DPCD: variants seen among roughly 807,000 people sequenced by gnomAD.
The protein encoded by DPCD is protein DPCD.
DPCD carries 20 observed loss-of-function variants against 26.4 expected under a neutral mutation model. The observed-to-expected ratio is 0.76, with a 90% CI of 0.53 to 1.10. DPCD has a LOEUF of 1.10. Among genes scored for constraint, DPCD ranks in the 50% least tolerant of loss-of-function variants. The pLI is 0.00. For synonymous variants in DPCD, 97 were observed against 94.2 expected (o/e 1.03, Z -0.17); for missense variants, 202 against 253.9 (o/e 0.80, Z 1.39).
Position 101,588,326 on chromosome 10 carries a change from G to C in DPCD, c.-11G>C. ...TGGCAGCGGCTGGGCGTGCTGCTTA[G>C]CAGGGGAAAGATGGCGGTGACGGGC... On this transcript the variant is annotated 5_prime_UTR_variant, in exon 1 of 6. Coordinates refer to ENST00000370151, the MANE Select transcript of DPCD (RefSeq NM_015448.3). The C allele has an allele frequency of 7.5e-6, 12 of 1,600,500 alleles. No individual in the cohort carries two copies. The highest frequency in any genetic ancestry group is 1.0e-5 in the Non-Finnish European group (12 of 1,172,634).
At chr10:101,601,941 G>C (rs1410619110) in intron 4 of DPCD, among the ~76,000 whole-genome samples, 2 of 152,196 alleles carry the variant, frequency 1.3e-5, no homozygotes, top group Non-Finnish European at 2.9e-5. Flanking sequence ...CCCTAGAGGG[G>C]AGGCAAACTG....
At chr10:101,601,387 G>C in intron 4 of DPCD, 51 bp downstream of exon 4, 1 of 1,605,930 alleles carries the variant, frequency 6.2e-7, no homozygotes, top group African/African-American at 1.3e-5. Context: ...CGGGGTGTAG[G>C]GTGGGGTTTG....
rs1335900161 is a variant in DPCD, at chr10:101,603,625, T to G, written c.404+2289T>G. Among the ~76,000 whole-genome samples the G allele has an allele frequency of 1.3e-5, 2 of 151,878 alleles. No homozygotes were observed. Among genetic ancestry groups the G allele is most frequent in the Non-Finnish European group, 2.9e-5 (2 of 67,968 alleles). On this transcript the variant is annotated intron_variant, in intron 4 of 5. Transcript: ENST00000370151. The surrounding 1 kb of genome is among the most constrained non-coding windows in gnomAD (Gnocchi z 4.6). The stretch of plus-strand genomic sequence containing the variant: ...TACAAAAATTAGCCAGGCGTGGTGG[T>G]GCATGCCTGTAGTCCCAGCTACTCG...
chr10:101,590,040 G>A (rs980325529), intron 1 of DPCD, among the ~76,000 whole-genome samples: 10 of 145,552 alleles, frequency 6.9e-5, no homozygotes, highest in Non-Finnish European at 1.0e-4. Context: ...GCGACAGAGC[G>A]AGACCCTGTC....
intron 2 of DPCD, among the ~76,000 whole-genome samples, chr10:101,595,165 T>G (rs1334138382): frequency 1.3e-5 from 2 of 152,226 alleles, no homozygotes; most frequent in African/African-American, 4.8e-5. Context: ...AGGCAGAGCT[T>G]CTGAGCTTGC....
At position 101,594,700 on chromosome 10, in the gene DPCD, T is replaced by C; in HGVS notation, c.107T>C (p.Met36Thr). The change falls in exon 2 of 6, where the codon ATG becomes ACG. Residue 36 changes from methionine to threonine, a missense_variant. This residue lies in a region of DPCD where 37 missense variants were observed against 76.0 expected (regional missense o/e 0.49). Coordinates refer to ENST00000370151, the MANE Select transcript of DPCD (RefSeq NM_015448.3). The stretch of plus-strand genomic sequence containing the variant: ...TATTTATTCCCAGACGGCAAGGAAA[T>C]GGCTGAAGAATATGACGAGAAGACG... ...VHYLFPDGKE[M>T]AEEYDEKTSE... The C allele has an allele frequency of 6.2e-7, 1 of 1,614,076 alleles. No homozygotes were observed. The highest frequency in any genetic ancestry group is 8.5e-7 in the Non-Finnish European group (1 of 1,180,000).
chr10:101,607,225 T>A (rs1488920538), intron 4 of DPCD, among the ~76,000 whole-genome samples: 1 of 152,188 alleles, frequency 6.6e-6, no homozygotes, highest in East Asian at 1.9e-4. Context: ...TCATCTAATC[T>A]CTGCTGTTTA....
chr10:101,594,594 T>A, intron 1 of DPCD, 64 bp from the exon 2 acceptor site: 2 of 1,555,036 alleles, frequency 1.3e-6, no homozygotes, highest in South Asian at 2.2e-5. Context: ...GGTAGGCCCC[T>A]TGATCTGCAA....
At chr10:101,608,656 T>C (rs183553668) in intron 4 of DPCD, among the ~76,000 whole-genome samples, 179 bp from the exon 5 acceptor site, 118 of 152,334 alleles carry the variant, frequency 7.7e-4, no homozygotes, top group African/African-American at 2.6e-3. Context: ...GCTTGCATTC[T>C]ATGCTTTCCA....
chr10:101,601,874 G>A (rs989869444), intron 4 of DPCD, among the ~76,000 whole-genome samples: 2 of 152,168 alleles, frequency 1.3e-5, no homozygotes, highest in African/African-American at 2.4e-5. Flanking sequence ...TGCTTGGGCC[G>A]CTTGGAAGTC....
intron 1 of DPCD, among the ~76,000 whole-genome samples, chr10:101,593,110 C>T (rs376843375): frequency 6.6e-6 from 1 of 152,096 alleles, no homozygotes; most frequent in East Asian, 1.9e-4. Flanking sequence ...TGTGAAATGC[C>T]TGGATTTAGT....
At chr10:101,589,136 A>G (rs1004708501) in intron 1 of DPCD, among the ~76,000 whole-genome samples, 9 of 152,190 alleles carry the variant, frequency 5.9e-5, no homozygotes, top group Non-Finnish European at 1.0e-4. Context: ...GGCTTTCAAG[A>G]TAACAACTGG....
rs1564884785 is a variant in DPCD at position 101,588,340 on chromosome 10, G to A, written c.4G>A (p.Ala2Thr). 6.3e-7 allele frequency: 1 copy of A among 1,599,336 alleles called. No homozygotes were observed. The highest frequency in any genetic ancestry group is 1.3e-5 in the African/African-American group (1 of 74,888). Residue 2 changes from alanine to threonine, a missense_variant, in exon 1 of 6, where the codon GCG (alanine) becomes ACG (threonine). By Grantham distance (58) the Ala-to-Thr change is moderately conservative. Around this residue, in one of 3 missense-constraint regions of DPCD, gnomAD observed 47 missense variants for 32.8 expected, o/e 1.43. Transcript: ENST00000370151. ...CGTGCTGCTTAGCAGGGGAAAGATGGCGGTGACGGGCTGGTTGGAGAGTCT... is the reference window on the plus strand; with the variant it reads ...CGTGCTGCTTAGCAGGGGAAAGATGACGGTGACGGGCTGGTTGGAGAGTCT... Reference protein sequence around the residue: MAVTGWLESLRT... With the variant: MTVTGWLESLRT...
chr10:101,600,596 A>G lies in DPCD; in HGVS notation c.146-142A>G. On this transcript the variant is annotated intron_variant, in intron 2 of 5. Coordinates refer to ENST00000370151, the MANE Select transcript of DPCD (RefSeq NM_015448.3). This position sits in a 1 kb window ranked among gnomAD's most constrained non-coding sequence, Gnocchi z 4.7. ...CCCTCCTTAGATTAACAAAGCTGAG[A>G]GTAAAGGCCCAACACTCCCACTTTC... 4 of 1,278,144 alleles carry G rather than the reference A, an allele frequency of 3.1e-6. No homozygotes were observed. Among genetic ancestry groups the G allele is most frequent in the Non-Finnish European group, 4.3e-6 (4 of 937,926 alleles). 79.2% of individuals were successfully genotyped at this position (1,278,144 alleles called of 1,614,324 possible).
chr10:101,605,177 A>T (rs1216237028), intron 4 of DPCD: 1 of 1,550,524 alleles, frequency 6.4e-7, no homozygotes, highest in Non-Finnish European at 8.7e-7. Context: ...CCCTCTGGCC[A>T]TGCGGTGTGC....
intron 4 of DPCD, among the ~76,000 whole-genome samples, chr10:101,604,703 G>T (rs1356177586): frequency 6.6e-6 from 1 of 152,222 alleles, no homozygotes; most frequent in Non-Finnish European, 1.5e-5. Context: ...GAAGTTGTTG[G>T]GTTAAATCTG....
chr10:101,600,974 C>A lies in DPCD; in HGVS notation c.270+112C>A. The A allele has an allele frequency of 6.5e-7, 1 of 1,539,514 alleles. No homozygotes were observed. Among genetic ancestry groups the A allele is most frequent in the Non-Finnish European group, 8.8e-7 (1 of 1,140,380 alleles). On this transcript the variant is annotated intron_variant, in intron 3 of 5. Coordinates refer to ENST00000370151, the MANE Select transcript of DPCD (RefSeq NM_015448.3). This position sits in a 1 kb window ranked among gnomAD's most constrained non-coding sequence, Gnocchi z 4.7. The stretch of plus-strand genomic sequence containing the variant: ...TGTTCACCTCCTCGCCTCCAGTGTG[C>A]CACCTGGACACAGCACTCTATAAAT...
At chr10:101,608,175 T>C (rs1235329966) in intron 4 of DPCD, among the ~76,000 whole-genome samples, 2 of 152,132 alleles carry the variant, frequency 1.3e-5, no homozygotes, top group African/African-American at 4.8e-5. Flanking sequence ...ATGTGTGATA[T>C]GTAAAAATGG....
chr10:101,605,150 T>A, intron 4 of DPCD: 2 of 1,550,538 alleles, frequency 1.3e-6, no homozygotes, highest in Non-Finnish European at 1.7e-6. Flanking sequence ...GCGGACTGGT[T>A]GGAGGCTTCT....
Sources: gnomAD v4.1 joint callset for allele counts (sites outside exome capture counted in the v4.1 genomes callset) on GRCh38, gnomAD v4.1.1 for gene constraint, gnomAD v4.1.1 regional missense constraint, Gnocchi (gnomAD v3.1) non-coding constraint, MANE v1.5 for transcripts, NCBI Gene and HGNC (gene_info 2026-07-23, HGNC 2026-07-21) for gene names.